The following NXPH1 variants were observed in gnomAD, a reference collection of about 807,000 sequenced individuals.
NXPH1 encodes the protein neurexophilin 1, also known as neurexophilin-1.
NXPH1 carries 5 observed loss-of-function variants against 23.7 expected under a neutral mutation model. The observed-to-expected ratio is 0.21, with a 90% CI of 0.11 to 0.44. NXPH1 has a LOEUF of 0.44. Among genes scored for constraint, NXPH1 ranks in the 20% least tolerant of loss-of-function variants. The probability of loss-of-function intolerance (pLI) is 0.99; values close to 1 mark genes in which losing one functional copy is unlikely to be tolerated. For missense variants in NXPH1, 324 were observed against 321.6 expected, an observed-to-expected ratio of 1.01 and a Z score of -0.06; for synonymous variants, 144 against 122.2, an observed-to-expected ratio of 1.18 and a Z score of -1.18.
chr7:8,751,642 T>C lies in NXPH1; in HGVS notation c.689T>C (p.Leu230Pro). ...QEQTQSHVSW[L>P]CSKPFKVICI... ...CAAACCCAAAGTCATGTATCCTGGCTCTGCTCCAAGCCCTTTAAGGTGATC... is the reference window on the plus strand; with the variant it reads ...CAAACCCAAAGTCATGTATCCTGGCCCTGCTCCAAGCCCTTTAAGGTGATC... Residue 230 changes from leucine (L) to proline (P), a missense_variant, in exon 3 of 3, where the codon CTC (leucine) becomes CCC (proline). Coordinates refer to ENST00000405863, the MANE Select transcript of NXPH1 (RefSeq NM_152745.3). The surrounding 1 kb of genome is among the most constrained non-coding windows in gnomAD (Gnocchi z 4.5). 6.2e-7 allele frequency: 1 copy of C among 1,613,490 alleles called. No homozygotes were observed.
chr7:8,640,814 AG>A (rs1389452024), intron 2 of NXPH1, among the ~76,000 whole-genome samples: 1 of 152,050 alleles, frequency 6.6e-6, no homozygotes, highest in Non-Finnish European at 1.5e-5. Flanking sequence ...AATATTAGCC[AG>A]GGTGGTGGCG....
chr7:8,688,060 A>G (rs2115181587), intron 2 of NXPH1, among the ~76,000 whole-genome samples: 1 of 152,244 alleles, frequency 6.6e-6, no homozygotes, highest in South Asian at 2.1e-4. Context: ...GGTTCTTTGT[A>G]TAAATGCAAT....
chr7:8,706,309 A>T (rs1214070601), intron 2 of NXPH1, among the ~76,000 whole-genome samples: 1 of 152,202 alleles, frequency 6.6e-6, no homozygotes, highest in African/African-American at 2.4e-5. Flanking sequence ...GTGGAAGAAT[A>T]TGTTAGAGAC....
intron 2 of NXPH1, among the ~76,000 whole-genome samples, chr7:8,555,636 C>G (rs1244505029): frequency 2.0e-5 from 3 of 151,716 alleles, no homozygotes; most frequent in Non-Finnish European, 3.0e-5. Flanking sequence ...TTGCTGACCT[C>G]TTGTCCAATC....
chr7:8,502,066 T>A (rs1349803834), intron 2 of NXPH1, among the ~76,000 whole-genome samples: 1 of 152,042 alleles, frequency 6.6e-6, no homozygotes, highest in Non-Finnish European at 1.5e-5. Flanking sequence ...AGCTGGGAGA[T>A]CTGAGATCTC....
intron 2 of NXPH1, among the ~76,000 whole-genome samples, chr7:8,665,135 A>G (rs1025339909): frequency 6.6e-6 from 1 of 151,958 alleles, no homozygotes; most frequent in African/African-American, 2.4e-5. Flanking sequence ...GTTTCCTTCC[A>G]GTGGTTTTAC....
intron 2 of NXPH1, among the ~76,000 whole-genome samples, chr7:8,454,564 A>G (rs796252455): frequency 2.6e-5 from 4 of 152,096 alleles, no homozygotes; most frequent in African/African-American, 9.6e-5. Context: ...GATGTAGAAG[A>G]TTTTCTGATG....
intron 2 of NXPH1, among the ~76,000 whole-genome samples, chr7:8,551,653 T>G (rs1818277425): frequency 6.6e-6 from 1 of 151,506 alleles, no homozygotes; most frequent in Non-Finnish European, 1.5e-5. Context: ...CATTCTTTTT[T>G]AAACAGAAAA....
chr7:8,737,521 C>A (rs1023219053), intron 2 of NXPH1, among the ~76,000 whole-genome samples: 4 of 152,176 alleles, frequency 2.6e-5, no homozygotes, highest in Non-Finnish European at 5.9e-5. Flanking sequence ...TGATGGGCTT[C>A]CCTTTGTGGG....
chr7:8,542,652 G>C (rs549779203), intron 2 of NXPH1, among the ~76,000 whole-genome samples: 25 of 151,592 alleles, frequency 1.6e-4, no homozygotes, highest in African/African-American at 5.5e-4. Flanking sequence ...AAATAAATTG[G>C]AAATCAGTAA....
At position 8,751,851 on chromosome 7, in the gene NXPH1, T is replaced by G; in HGVS notation, c.*82T>G. On this transcript the variant is annotated 3_prime_UTR_variant, in exon 3 of 3. Transcript: ENST00000405863. This position sits in a 1 kb window ranked among gnomAD's most constrained non-coding sequence, Gnocchi z 4.5. ...TGTTACCTCAAAGAAGAAGGTCACA[T>G]CTGTTGCCTGGAATGTGTCTACACT... The G allele has an allele frequency of 7.6e-7, 1 of 1,320,984 alleles. No homozygotes were observed. The highest frequency in any genetic ancestry group is 2.6e-5 in the Admixed American group (1 of 39,168). 81.8% of individuals were successfully genotyped at this position (1,320,984 alleles called of 1,614,324 possible).
intron 2 of NXPH1, among the ~76,000 whole-genome samples, chr7:8,464,340 A>G (rs915990087): frequency 6.6e-6 from 1 of 152,226 alleles, no homozygotes; most frequent in South Asian, 2.1e-4. Context: ...TTATGAAAAC[A>G]AAGATGCTAG....
In NXPH1 at chr7:8,704,671, T is replaced by G. The variant is rs139703750; in HGVS notation, c.55-46337T>G. ...GCATGGAGCATTTTTATTATCTGCA[T>G]GGATTTTTTGGTTATAGATAATTAT... On this transcript the variant is annotated intron_variant, in intron 2 of 2. Coordinates refer to ENST00000405863, the MANE Select transcript of NXPH1 (RefSeq NM_152745.3). 9.6e-3 allele frequency among the ~76,000 whole-genome samples: 1,465 copies of G among 152,168 alleles called. 25 individuals are homozygous for G. Among genetic ancestry groups the G allele is most frequent in the African/African-American group, 0.033 (1,369 of 41,498 alleles).
chr7:8,678,581 C>G (rs1419626493), intron 2 of NXPH1, among the ~76,000 whole-genome samples: 1 of 152,048 alleles, frequency 6.6e-6, no homozygotes, highest in Non-Finnish European at 1.5e-5. Context: ...TCAGGGGCAC[C>G]CATCCTCTCG....
At chr7:8,570,670 T>C (rs1249623769) in intron 2 of NXPH1, among the ~76,000 whole-genome samples, 2 of 151,866 alleles carry the variant, frequency 1.3e-5, no homozygotes, top group Non-Finnish European at 2.9e-5. Flanking sequence ...CAAAGATTAC[T>C]CTAAGTACAA....
At chr7:8,750,133 A>T (rs1443480756) in intron 2 of NXPH1, among the ~76,000 whole-genome samples, 1 of 152,176 alleles carries the variant, frequency 6.6e-6, no homozygotes, top group South Asian at 2.1e-4. Context: ...CAAGGTAAAA[A>T]ATTATGTCTT....
chr7:8,520,460 C>T (rs763619485), intron 2 of NXPH1, among the ~76,000 whole-genome samples: 4 of 152,138 alleles, frequency 2.6e-5, no homozygotes, highest in Non-Finnish European at 5.9e-5. Flanking sequence ...AGTCATAAAA[C>T]CCCAGGTAAA....
intron 2 of NXPH1, among the ~76,000 whole-genome samples, chr7:8,611,953 G>A (rs953088301): frequency 1.3e-5 from 2 of 152,066 alleles, no homozygotes; most frequent in Non-Finnish European, 2.9e-5. Context: ...TGTAACACTA[G>A]AAGGAAATGT....
At chr7:8,727,181 GTTGT>G (rs1780071081) in intron 2 of NXPH1, among the ~76,000 whole-genome samples, 4 of 135,804 alleles carry the variant, frequency 2.9e-5, no homozygotes, top group Admixed American at 2.2e-4. Flanking sequence ...TTTTGATGGG[GTTGT>G]TTGTTTTTTT....
Sources: allele counts gnomAD v4.1 joint callset (sites outside exome capture counted in the v4.1 genomes callset), GRCh38; gene constraint gnomAD v4.1.1; non-coding constraint Gnocchi (gnomAD v3.1); transcripts MANE v1.5; gene names NCBI Gene and HGNC (gene_info 2026-07-23, HGNC 2026-07-21).